Variants in SHISA9 observed in about 807,000 individuals in gnomAD.
The protein encoded by SHISA9 is protein shisa-9.
A neutral mutation model predicts 38.0 loss-of-function variants in SHISA9; 13 were observed. The ratio of observed to expected loss-of-function variants is 0.34; its 90% CI spans 0.22 to 0.54. The LOEUF is 0.54. Among genes scored for constraint, SHISA9 ranks in the 20% least tolerant of loss-of-function variants. The pLI is 0.91. For synonymous variants in SHISA9, 275 were observed against 242.0 expected (o/e 1.14, Z -1.27); for missense variants, 538 against 575.8 (o/e 0.93, Z 0.67).
chr16:13,550,517 G>A, the SHISA9 span, among the ~76,000 whole-genome samples: 2 of 152,152 alleles, frequency 1.3e-5, no homozygotes, highest in African/African-American at 2.4e-5. Flanking sequence ...CAGCTAAGCC[G>A]GGGATTTTTC....
intron 2 of SHISA9, among the ~76,000 whole-genome samples, chr16:13,178,304 G>A (rs915366738): frequency 3.3e-5 from 5 of 151,496 alleles, no homozygotes; most frequent in African/African-American, 1.2e-4. Context: ...GTGACCATGA[G>A]TAAGCCCATC....
At chr16:13,294,332 A>G in the SHISA9 span, among the ~76,000 whole-genome samples, 1 of 152,140 alleles carries the variant, frequency 6.6e-6, no homozygotes. Flanking sequence ...ACGTCTGCAA[A>G]TCAGCTGGAA....
chr16:13,268,512 AAAAC>A, the SHISA9 span, among the ~76,000 whole-genome samples: 869 of 151,988 alleles, frequency 5.7e-3, 9 homozygotes, highest in African/African-American at 0.02. Flanking sequence ...TCGGTCTCAG[AAAAC>A]AAACAAACAA....
the SHISA9 span, among the ~76,000 whole-genome samples, chr16:13,456,677 G>C: frequency 6.6e-6 from 1 of 152,280 alleles, no homozygotes; most frequent in Admixed American, 6.5e-5. Context: ...GAGGCTTTAG[G>C]CCATACGTTA....
chr16:13,062,305 G>C (rs1308447655), intron 2 of SHISA9, among the ~76,000 whole-genome samples: 3 of 152,162 alleles, frequency 2.0e-5, no homozygotes, highest in African/African-American at 7.2e-5. Context: ...GTGCACACTG[G>C]GAAGACAGCA....
chr16:13,187,310 CTTCTTTTCTT>C (rs1190991785), intron 2 of SHISA9, among the ~76,000 whole-genome samples: 4 of 113,858 alleles, frequency 3.5e-5, no homozygotes, highest in Non-Finnish European at 5.2e-5. Flanking sequence ...ACAGAGAAGG[CTTCTTTTCTT>C]TTCTTTTCTT....
rs1209747328 is a variant in SHISA9 at position 13,237,436 on chromosome 16, G to A, written c.*2027G>A. 6.6e-6 allele frequency: 1 copy of A among 152,110 alleles called. No homozygotes were observed. The allele number at this position is 152,110 out of a possible 1,614,324, so 9.4% of individuals were successfully genotyped here. On this transcript the variant is annotated 3_prime_UTR_variant, in exon 5 of 5. Transcript: ENST00000558583. ...CCAGCACTTTGGGAGGCTGAAGCAG[G>A]TGGATCATCTGAGGTCAGGAGTTTG...
chr16:13,084,081 A>C (rs1421889867), intron 2 of SHISA9, among the ~76,000 whole-genome samples: 1 of 142,974 alleles, frequency 7.0e-6, no homozygotes, highest in South Asian at 2.4e-4. Context: ...GAGGTTATTC[A>C]TATGATCATA....
At chr16:12,911,274 C>G (rs2071179667) in intron 1 of SHISA9, 1 of 985,430 alleles carries the variant, frequency 1.0e-6, no homozygotes, top group Non-Finnish European at 1.2e-6. Flanking sequence ...CTGAGAAGCA[C>G]TCAAACTATG....
At chr16:13,507,429 G>C in the SHISA9 span, among the ~76,000 whole-genome samples, 2 of 152,196 alleles carry the variant, frequency 1.3e-5, no homozygotes, top group African/African-American at 2.4e-5. Context: ...TTTAGTGGTA[G>C]AGTACCCTGG....
chr16:13,419,775 A>G, the SHISA9 span, among the ~76,000 whole-genome samples: 1 of 152,210 alleles, frequency 6.6e-6, no homozygotes, highest in Non-Finnish European at 1.5e-5. Context: ...TAAACAAATA[A>G]GCATGGCTAT....
At chr16:13,107,287 C>T (rs1247106293) in intron 2 of SHISA9, among the ~76,000 whole-genome samples, 1 of 151,752 alleles carries the variant, frequency 6.6e-6, no homozygotes, top group African/African-American at 2.4e-5. Flanking sequence ...TACAAAAAAT[C>T]AGCCAGGTGT....
chr16:12,961,562 G>A (rs1156300680), intron 2 of SHISA9, among the ~76,000 whole-genome samples: 2 of 152,162 alleles, frequency 1.3e-5, no homozygotes, highest in Middle Eastern at 3.2e-3. Flanking sequence ...GATGTGGAAA[G>A]GTCCCCAGAG....
the SHISA9 span, among the ~76,000 whole-genome samples, chr16:13,556,774 A>G: frequency 6.6e-6 from 1 of 152,230 alleles, no homozygotes; most frequent in East Asian, 1.9e-4. Flanking sequence ...CTGAAAAATA[A>G]AAAATAAAAA....
intron 1 of SHISA9, among the ~76,000 whole-genome samples, chr16:12,913,583 A>G (rs928243450): frequency 3.9e-5 from 6 of 152,148 alleles, no homozygotes; most frequent in African/African-American, 1.2e-4. Flanking sequence ...CATCATCACT[A>G]CTTACTCCAA....
At chr16:13,291,714 A>G in the SHISA9 span, among the ~76,000 whole-genome samples, 158 of 152,354 alleles carry the variant, frequency 1.0e-3, no homozygotes, top group African/African-American at 3.7e-3. Flanking sequence ...ATGTAACATC[A>G]AAAGAAAAAG....
the SHISA9 span, among the ~76,000 whole-genome samples, chr16:13,310,957 C>T: frequency 3.9e-5 from 6 of 152,130 alleles, no homozygotes; most frequent in Non-Finnish European, 7.4e-5. Flanking sequence ...GCTGGTATTA[C>T]AGGCGTGAGC....
intron 2 of SHISA9, among the ~76,000 whole-genome samples, chr16:13,081,528 C>T (rs2073649478): frequency 1.3e-5 from 2 of 152,148 alleles, no homozygotes; most frequent in South Asian, 4.2e-4. Context: ...TTGTGGCAAG[C>T]CTTCAAGGTA....
intron 2 of SHISA9, among the ~76,000 whole-genome samples, chr16:13,043,619 C>T (rs937427224): frequency 2.0e-5 from 3 of 152,204 alleles, no homozygotes; most frequent in Non-Finnish European, 4.4e-5. Context: ...GGTGGGAACT[C>T]CTTAACCTCC....
Sources: allele counts gnomAD v4.1 joint callset (sites outside exome capture counted in the v4.1 genomes callset), GRCh38; gene constraint gnomAD v4.1.1; transcripts MANE v1.5; gene names NCBI Gene and HGNC (gene_info 2026-07-23, HGNC 2026-07-21).